The following EPHA4 variants were observed in gnomAD, a reference collection of about 807,000 sequenced individuals.
The protein encoded by EPHA4 is ephrin type-A receptor 4.
A neutral mutation model predicts 108.3 loss-of-function variants in EPHA4; 19 were observed. The ratio of observed to expected loss-of-function variants is 0.18; its 90% CI spans 0.12 to 0.26. The LOEUF is 0.26. EPHA4 is among the 10% of genes least tolerant of loss of function. The pLI is 1.00. For missense variants in EPHA4, 917 were observed against 1,254.0 expected (o/e 0.73, Z 4.06); for synonymous variants, 449 against 455.5 (o/e 0.99, Z 0.18).
At chr2:221,428,183 G>A (rs974047792) in intron 15 of EPHA4, among the ~76,000 whole-genome samples, 31 of 152,204 alleles carry the variant, frequency 2.0e-4, no homozygotes. Flanking sequence ...AAGCATTAAT[G>A]AGGAAGATGT....
chr2:221,551,842 T>C (rs1694172193), intron 3 of EPHA4, among the ~76,000 whole-genome samples: 1 of 152,080 alleles, frequency 6.6e-6, no homozygotes, highest in South Asian at 2.1e-4. Flanking sequence ...ATGAGTTTTT[T>C]TTTCTTACAA....
At chr2:221,503,400 A>T (rs1174178229) in intron 3 of EPHA4, among the ~76,000 whole-genome samples, 5 of 147,520 alleles carry the variant, frequency 3.4e-5, no homozygotes, top group African/African-American at 1.2e-4. Flanking sequence ...TGATAAGACT[A>T]CTTCCAGCTA....
intron 3 of EPHA4, among the ~76,000 whole-genome samples, chr2:221,504,407 T>C (rs1376541460): frequency 6.6e-6 from 1 of 152,102 alleles, no homozygotes; most frequent in Non-Finnish European, 1.5e-5. Flanking sequence ...GCTCACCCAC[T>C]ACCATAACAA....
chr2:221,426,261 A>G (rs1277891448), intron 16 of EPHA4, 119 bp from the exon 17 acceptor site: 3 of 1,045,408 alleles, frequency 2.9e-6, no homozygotes, highest in Non-Finnish European at 4.3e-6. Context: ...ACAACAAGGC[A>G]GGTGTATTAA....
At chr2:221,505,369 A>C (rs1245837254) in intron 3 of EPHA4, among the ~76,000 whole-genome samples, 1 of 152,070 alleles carries the variant, frequency 6.6e-6, no homozygotes, top group East Asian at 1.9e-4. Flanking sequence ...CTTGTTGCTC[A>C]GGTTGGAGTG....
chr2:221,499,756 A>ATATATATATTTTT (rs1334015871), intron 4 of EPHA4, among the ~76,000 whole-genome samples: 3 of 26,228 alleles, frequency 1.1e-4, no homozygotes, highest in South Asian at 2.3e-3. Context: ...ATATATATAT[A>ATATATATATTTTT]TTTTTTTTTT....
intron 4 of EPHA4, among the ~76,000 whole-genome samples, chr2:221,500,271 G>A (rs370706535): frequency 5.3e-5 from 8 of 152,124 alleles, no homozygotes; most frequent in East Asian, 3.9e-4. Flanking sequence ...CCTGAGCCAT[G>A]AGGCTAGCCC....
intron 4 of EPHA4, among the ~76,000 whole-genome samples, chr2:221,495,829 C>G (rs1277376136): frequency 1.3e-5 from 2 of 152,184 alleles, no homozygotes; most frequent in African/African-American, 4.8e-5. Flanking sequence ...GGAGCACAGT[C>G]TCTCTTTGGC....
At chr2:221,469,146 T>G (rs1159263769) in intron 5 of EPHA4, among the ~76,000 whole-genome samples, 2 of 152,226 alleles carry the variant, frequency 1.3e-5, no homozygotes, top group African/African-American at 2.4e-5. Flanking sequence ...GAGTATGTGT[T>G]GGATGAATCC....
chr2:221,544,548 A>T (rs375471733), intron 3 of EPHA4, among the ~76,000 whole-genome samples: 3 of 151,890 alleles, frequency 2.0e-5, no homozygotes, highest in Admixed American at 6.6e-5. Context: ...CTGGTCTCGA[A>T]CTCCTGACCT....
Position 221,540,952 on chromosome 2 carries a change from TG to T in EPHA4, c.823+22778del, listed in dbSNP as rs1215020950. Reference sequence around the variant, plus strand: ...ACTGTCTTTTTTTTTTTTTTTTTTTTGAGGGTATGGCGGGGAGAGAGTCTTA... The same window carrying T: ...ACTGTCTTTTTTTTTTTTTTTTTTTTAGGGTATGGCGGGGAGAGAGTCTTA... On this transcript the variant is annotated intron_variant, in intron 3 of 17. Transcript: ENST00000281821. Among the ~76,000 whole-genome samples the T allele has an allele frequency of 9.8e-3, 1,394 of 142,442 alleles. 19 individuals carry two copies. The highest frequency in any genetic ancestry group is 0.033 in the African/African-American group (1,255 of 38,478). 93.4% of individuals were successfully genotyped at this position (142,442 alleles called of 152,430 possible). A position where few individuals can be genotyped will look rare whatever the true frequency, so the allele number is the denominator to read the frequency against.
chr2:221,475,853 T>A (rs1262377566), intron 5 of EPHA4, among the ~76,000 whole-genome samples: 1 of 152,242 alleles, frequency 6.6e-6, no homozygotes, highest in African/African-American at 2.4e-5. Context: ...AGGATTCGAT[T>A]TGGCCCTTGG....
At chr2:221,420,636 T>C (rs1343718704) in intron 17 of EPHA4, 84 bp from the exon 18 acceptor site, 5 of 152,160 alleles carry the variant, frequency 3.3e-5, no homozygotes, top group Non-Finnish European at 1.5e-5. Flanking sequence ...AGAAAGAATA[T>C]ATAGGTTCGT....
At chr2:221,517,709 C>T (rs1032371940) in intron 3 of EPHA4, among the ~76,000 whole-genome samples, 6 of 152,174 alleles carry the variant, frequency 3.9e-5, no homozygotes, top group African/African-American at 1.4e-4. Flanking sequence ...TTCCCCTTGG[C>T]TGTATCCTTC....
At chr2:221,426,229 A>C in intron 16 of EPHA4, 87 bp from the exon 17 acceptor site, 1 of 1,227,216 alleles carries the variant, frequency 8.1e-7, no homozygotes, top group Non-Finnish European at 1.2e-6. Context: ...CACACGTTTG[A>C]ATCAGCCACA....
chr2:221,440,176 A>G (rs931199104), intron 11 of EPHA4, among the ~76,000 whole-genome samples: 9 of 152,150 alleles, frequency 5.9e-5, no homozygotes, highest in African/African-American at 2.2e-4. Context: ...GGGGGAAGGG[A>G]ATAGCTTCTC....
At chr2:221,423,763 A>G (rs1574549821) in intron 17 of EPHA4, among the ~76,000 whole-genome samples, 1 of 98,154 alleles carries the variant, frequency 1.0e-5, no homozygotes, top group East Asian at 2.1e-4. Flanking sequence ...GACTTTAAGA[A>G]AAAAAAAAAA....
intron 17 of EPHA4, among the ~76,000 whole-genome samples, chr2:221,423,124 T>C (rs4674597): frequency 0.49 from 73,939 of 152,082 alleles, 19,003 homozygotes; most frequent in African/African-American, 0.66. Flanking sequence ...GGAAGAAGCG[T>C]ACCTTTCTTC....
chr2:221,515,841 G>A (rs1345136784), intron 3 of EPHA4, among the ~76,000 whole-genome samples: 1 of 151,602 alleles, frequency 6.6e-6, no homozygotes, highest in Non-Finnish European at 1.5e-5. Context: ...AAAAGACATA[G>A]ATCTCTTTTG....
Sources: gnomAD v4.1 joint callset for allele counts (sites outside exome capture counted in the v4.1 genomes callset) on GRCh38, gnomAD v4.1.1 for gene constraint, MANE v1.5 for transcripts, NCBI Gene and HGNC (gene_info 2026-07-23, HGNC 2026-07-21) for gene names.